Variants in CPNE5 observed in about 807,000 individuals in gnomAD.
CPNE5 encodes copine-5.
CPNE5 carries 42 observed loss-of-function variants against 81.1 expected under a neutral mutation model. The ratio of observed to expected loss-of-function variants is 0.52; its 90% confidence interval spans 0.40 to 0.67. The LOEUF (loss-of-function observed/expected upper bound fraction) is 0.67, where lower values mean the gene tolerates loss of function less well. CPNE5 is among the 30% of genes least tolerant of loss of function. CPNE5 has a pLI of 0.00. For missense variants in CPNE5, 612 were observed against 815.5 expected (o/e 0.75, Z 3.04); for synonymous variants, 313 against 321.5 (o/e 0.97, Z 0.28).
intron 12 of CPNE5, among the ~76,000 whole-genome samples, chr6:36,760,062 A>AT (rs1293717417): frequency 6.6e-6 from 1 of 151,822 alleles, no homozygotes; most frequent in Non-Finnish European, 1.5e-5. Context: ...CAAAAAAAAA[A>AT]AAAAATCGCC....
intron 12 of CPNE5, chr6:36,757,197 G>T (rs1765570655): frequency 2.6e-6 from 1 of 391,474 alleles, no homozygotes; most frequent in South Asian, 1.1e-4. Context: ...ACCCTCGCCA[G>T]TTTTTCTTTG....
At chr6:36,761,196 C>T (rs1765992803) in intron 12 of CPNE5, among the ~76,000 whole-genome samples, 1 of 152,164 alleles carries the variant, frequency 6.6e-6, no homozygotes, top group Admixed American at 6.5e-5. Flanking sequence ...GTGGCATCTG[C>T]TTCTCTCTGA....
intron 8 of CPNE5, among the ~76,000 whole-genome samples, chr6:36,782,129 G>A (rs1001685170): frequency 7.9e-5 from 12 of 152,118 alleles, no homozygotes; most frequent in Non-Finnish European, 4.4e-5. Flanking sequence ...TGGCACTCAG[G>A]GGACAGTGAG....
chr6:36,827,212 T>C, intron 1 of CPNE5: 1 of 489,066 alleles, frequency 2.0e-6, no homozygotes, highest in Non-Finnish European at 2.7e-6. Flanking sequence ...GCCTCTCGCC[T>C]ATGTCCCTGC....
intron 7 of CPNE5, 76 bp downstream of exon 7, chr6:36,794,514 C>T (rs1582912870): frequency 1.4e-6 from 2 of 1,404,504 alleles, no homozygotes; most frequent in South Asian, 2.3e-5. Context: ...GGGACGAGGC[C>T]CAGACTCTGA....
At chr6:36,757,436 G>A (rs559456887) in intron 12 of CPNE5, 18 of 912,296 alleles carry the variant, frequency 2.0e-5, no homozygotes, top group Middle Eastern at 5.7e-4. Context: ...AAAGCACAGC[G>A]ACACCAGGTG....
chr6:36,742,442 C>A lies in CPNE5; in HGVS notation c.1608G>T (p.Val536=). 1 of 1,613,456 alleles carries A rather than the reference C, an allele frequency of 6.2e-7. No individual in the cohort carries two copies. Among genetic ancestry groups the A allele is most frequent in the South Asian group, 1.1e-5 (1 of 91,086 alleles). The change falls in exon 21 of 21, where the codon GTG becomes GTT. Residue 536 remains valine (V), a synonymous_variant. Transcript: ENST00000244751. Reference sequence around the variant, plus strand: ...CTCGGGCCAGGCGGGCCATGCTCAGCACGTGGTTGCCTGTGCGGTCCACGT... The same window carrying A: ...CTCGGGCCAGGCGGGCCATGCTCAGAACGTGGTTGCCTGTGCGGTCCACGT... ...RDYVDRTGNH[V]LSMARLARDV...
chr6:36,761,567 G>A (rs1428505684), intron 12 of CPNE5, among the ~76,000 whole-genome samples: 1 of 152,230 alleles, frequency 6.6e-6, no homozygotes, highest in Non-Finnish European at 1.5e-5. Flanking sequence ...TTTGCTGGCT[G>A]AGTGGCTGCT....
intron 11 of CPNE5, among the ~76,000 whole-genome samples, 195 bp downstream of exon 11, chr6:36,765,140 G>A (rs537052384): frequency 6.6e-6 from 1 of 152,134 alleles, no homozygotes; most frequent in Non-Finnish European, 1.5e-5. Flanking sequence ...TGGTGCCTCC[G>A]TGGAGCTGGA....
chr6:36,799,124 G>C (rs1012777006), intron 4 of CPNE5, among the ~76,000 whole-genome samples: 2 of 152,102 alleles, frequency 1.3e-5, no homozygotes, highest in Admixed American at 1.3e-4. Flanking sequence ...CCTTCCCCCA[G>C]CATCTCCCAC....
intron 14 of CPNE5, among the ~76,000 whole-genome samples, chr6:36,748,667 T>C (rs753492340): frequency 2.0e-5 from 3 of 151,918 alleles, no homozygotes; most frequent in Non-Finnish European, 4.4e-5. Flanking sequence ...AAAAAGAGAG[T>C]CAAATAGACA....
chr6:36,770,247 G>A (rs1766936483), intron 10 of CPNE5, among the ~76,000 whole-genome samples: 1 of 152,212 alleles, frequency 6.6e-6, no homozygotes, highest in Non-Finnish European at 1.5e-5. Context: ...CAGAGGGCCA[G>A]GCCAGAGGCA....
chr6:36,811,102 A>G (rs1771063023), intron 3 of CPNE5, among the ~76,000 whole-genome samples: 1 of 152,176 alleles, frequency 6.6e-6, no homozygotes, highest in Non-Finnish European at 1.5e-5. Context: ...ACGACCCTTT[A>G]CCAATGAGCC....
intron 3 of CPNE5, among the ~76,000 whole-genome samples, chr6:36,807,216 T>G (rs1269140241): frequency 6.6e-6 from 1 of 152,218 alleles, no homozygotes; most frequent in Non-Finnish European, 1.5e-5. Flanking sequence ...GTTTCCCACA[T>G]AAAGCAGTAA....
intron 8 of CPNE5, among the ~76,000 whole-genome samples, chr6:36,786,160 A>G (rs77873630): frequency 0.012 from 1,876 of 152,270 alleles, 37 homozygotes; most frequent in African/African-American, 0.042. Flanking sequence ...AATGAAAAAG[A>G]AAAGGAATCA....
intron 8 of CPNE5, among the ~76,000 whole-genome samples, chr6:36,785,406 G>A (rs1446732714): frequency 1.3e-5 from 2 of 152,252 alleles, no homozygotes; most frequent in East Asian, 3.9e-4. Context: ...CAATGCAAAA[G>A]CTATAATAAA....
intron 1 of CPNE5, among the ~76,000 whole-genome samples, chr6:36,834,309 G>GAGGA (rs1191678647): frequency 0.034 from 2,388 of 69,542 alleles, 103 homozygotes; most frequent in East Asian, 0.12. Context: ...GGGAGGGAGG[G>GAGGA]AGGAAGGAAG....
At chr6:36,827,136 C>T (rs1366879407) in intron 1 of CPNE5, among the ~76,000 whole-genome samples, 2 of 152,132 alleles carry the variant, frequency 1.3e-5, no homozygotes, top group Non-Finnish European at 2.9e-5. Flanking sequence ...CTGCTGAGTC[C>T]CTTCCCCAGC....
intron 10 of CPNE5, among the ~76,000 whole-genome samples, chr6:36,772,136 C>T (rs911765755): frequency 1.3e-5 from 2 of 152,184 alleles, no homozygotes; most frequent in African/African-American, 4.8e-5. Context: ...TCTAGAGATA[C>T]AGGGTTGTGA....
Sources: allele counts gnomAD v4.1 joint callset (sites outside exome capture counted in the v4.1 genomes callset), GRCh38; gene constraint gnomAD v4.1.1; transcripts MANE v1.5; gene names NCBI Gene and HGNC (gene_info 2026-07-23, HGNC 2026-07-21).